Variants in XKR6 observed in about 807,000 individuals in gnomAD.
XKR6 encodes the protein XK related 6, also known as XK-related protein 6.
Under a neutral mutation model 56.7 loss-of-function variants are expected in XKR6, and 22 were observed. The ratio of observed to expected loss-of-function variants is 0.39; its 90% confidence interval spans 0.28 to 0.55. XKR6 has a LOEUF of 0.55. Ranked by LOEUF, XKR6 falls within the 20% of genes least tolerant of loss-of-function variation. XKR6 has a pLI of 0.66. For synonymous variants in XKR6, 524 were observed against 387.8 expected (o/e 1.35, Z -4.13); for missense variants, 852 against 889.0 (o/e 0.96, Z 0.53).
Position 11,129,304 on chromosome 8 carries a change from C to A in XKR6, c.764+71272G>T, listed in dbSNP as rs537673115. Reference sequence around the variant, plus strand: ...TATTTCTGTGAGAAAATACCTAATACCCCTGATGTAAAAAGCTAAAAGTTT... The same window carrying A: ...TATTTCTGTGAGAAAATACCTAATAACCCTGATGTAAAAAGCTAAAAGTTT... On this transcript the variant is annotated intron_variant, in intron 1 of 2. Transcript: ENST00000416569. Among the ~76,000 whole-genome samples, 12 of 152,292 alleles carry A rather than the reference C, an allele frequency of 7.9e-5. No homozygotes were observed. The South Asian group carries it at 1.2e-3, about 16-fold the overall frequency.
intron 1 of XKR6, among the ~76,000 whole-genome samples, chr8:11,076,794 C>G (rs1031316398): frequency 1.3e-5 from 2 of 152,178 alleles, no homozygotes; most frequent in African/African-American, 2.4e-5. Context: ...AGAGGACAGG[C>G]AGTCCCGTGC....
At chr8:10,917,295 C>T (rs967497270) in intron 2 of XKR6, among the ~76,000 whole-genome samples, 3 of 152,268 alleles carry the variant, frequency 2.0e-5, no homozygotes, top group East Asian at 3.9e-4. Flanking sequence ...CTCTGTGCTT[C>T]GGCTTCCCTG....
intron 1 of XKR6, among the ~76,000 whole-genome samples, chr8:11,158,078 G>A (rs1244935660): frequency 6.6e-6 from 1 of 152,178 alleles, no homozygotes; most frequent in African/African-American, 2.4e-5. Flanking sequence ...TGTAATCAGT[G>A]ACTTTTCAAT....
intron 1 of XKR6, chr8:11,108,339 C>T (rs757330080): frequency 2.9e-5 from 13 of 456,078 alleles, no homozygotes; most frequent in Non-Finnish European, 5.7e-5. Flanking sequence ...TCCTAAATTT[C>T]CAGTCACTAC....
At chr8:11,061,661 C>T (rs180882367) in intron 1 of XKR6, among the ~76,000 whole-genome samples, 2 of 152,132 alleles carry the variant, frequency 1.3e-5, no homozygotes, top group African/African-American at 4.8e-5. Context: ...GGTGGGAGGG[C>T]ATGTCCTGGG....
chr8:11,179,045 G>C (rs1014272574), intron 1 of XKR6, among the ~76,000 whole-genome samples: 3 of 134,050 alleles, frequency 2.2e-5, no homozygotes, highest in African/African-American at 8.7e-5. Flanking sequence ...TTTTTGGAGA[G>C]CTAGGGTCTC....
intron 1 of XKR6, among the ~76,000 whole-genome samples, chr8:11,043,717 T>C (rs1799341036): frequency 6.6e-6 from 1 of 152,224 alleles, no homozygotes; most frequent in South Asian, 2.1e-4. Flanking sequence ...CAGAGAAATC[T>C]TAAAAACTAA....
chr8:10,909,814 T>C lies in XKR6; in HGVS notation c.962-10898A>G, dbSNP rs112188367. ...GTCAGACATTATGTATGCCAGACTC[T>C]GTGCATATGTTATTTCATTGAATTT... On this transcript the variant is annotated intron_variant, in intron 2 of 2. Coordinates refer to ENST00000416569, the MANE Select transcript of XKR6 (RefSeq NM_173683.4). Among the ~76,000 whole-genome samples, 537 of 152,308 alleles carry C rather than the reference T, an allele frequency of 3.5e-3. 5 individuals carry two copies. The highest frequency in any genetic ancestry group is 0.012 in the African/African-American group (492 of 41,562).
At chr8:11,085,557 G>A (rs1797858544) in intron 1 of XKR6, among the ~76,000 whole-genome samples, 1 of 152,200 alleles carries the variant, frequency 6.6e-6, no homozygotes, top group Non-Finnish European at 1.5e-5. Context: ...GCCAGAGGCA[G>A]GAGAATGGGG....
chr8:11,015,471 AACC>A (rs1044269848), intron 1 of XKR6, among the ~76,000 whole-genome samples: 6 of 152,000 alleles, frequency 3.9e-5, no homozygotes, highest in African/African-American at 1.5e-4. Context: ...ATCTGCTAGA[AACC>A]ACCCCCCACC....
intron 1 of XKR6, among the ~76,000 whole-genome samples, chr8:11,139,319 T>C (rs1800563979): frequency 6.6e-6 from 1 of 152,184 alleles, no homozygotes; most frequent in South Asian, 2.1e-4. Context: ...CAAAGAATCC[T>C]GTGGACAGCA....
At chr8:10,917,556 C>T (rs1800596319) in intron 2 of XKR6, among the ~76,000 whole-genome samples, 1 of 152,208 alleles carries the variant, frequency 6.6e-6, no homozygotes, top group Admixed American at 6.5e-5. Flanking sequence ...AGAGGTCACT[C>T]TAGGTTCCAG....
At chr8:11,127,690 C>T (rs1157648826) in intron 1 of XKR6, among the ~76,000 whole-genome samples, 1 of 152,166 alleles carries the variant, frequency 6.6e-6, no homozygotes, top group Non-Finnish European at 1.5e-5. Context: ...GCCCACCTTA[C>T]CCAGATAATC....
intron 1 of XKR6, among the ~76,000 whole-genome samples, chr8:10,932,062 C>A (rs1801068161): frequency 6.6e-6 from 1 of 152,000 alleles, no homozygotes; most frequent in Non-Finnish European, 1.5e-5. Context: ...AAAGAGGATA[C>A]ACAATAGCAA....
intron 1 of XKR6, among the ~76,000 whole-genome samples, chr8:11,011,869 G>C (rs1014663806): frequency 6.6e-6 from 1 of 152,196 alleles, no homozygotes. Flanking sequence ...CTGGGGAGGG[G>C]GATAGCATGA....
chr8:10,942,949 C>T (rs1158586264), intron 1 of XKR6, among the ~76,000 whole-genome samples: 1 of 152,218 alleles, frequency 6.6e-6, no homozygotes, highest in African/African-American at 2.4e-5. Flanking sequence ...CATCCCAGGG[C>T]TGCAAGGATC....
rs539794790 is a variant in XKR6 at position 11,183,930 on chromosome 8, C to T, written c.764+16646G>A. Among the ~76,000 whole-genome samples, 115 of 152,246 alleles carry T rather than the reference C, an allele frequency of 7.6e-4. 1 individual carries two copies. The Middle Eastern group carries it at 0.01, about 14-fold the overall frequency. The stretch of plus-strand genomic sequence containing the variant: ...TATCTGGAGCATGCTTTATACAATG[C>T]CAACAAGTCAGGACTGTCTGTAGTC... On this transcript the variant is annotated intron_variant, in intron 1 of 2. Coordinates refer to ENST00000416569, the MANE Select transcript of XKR6 (RefSeq NM_173683.4).
intron 1 of XKR6, chr8:11,194,450 G>C (rs1197622268): frequency 2.0e-5 from 3 of 152,134 alleles, no homozygotes; most frequent in African/African-American, 7.2e-5. Flanking sequence ...TGTTAAATGA[G>C]GTTATATTTT....
chr8:11,118,113 T>C (rs1030952461), intron 1 of XKR6, among the ~76,000 whole-genome samples: 1 of 152,206 alleles, frequency 6.6e-6, no homozygotes, highest in African/African-American at 2.4e-5. Flanking sequence ...TTCTTATTTC[T>C]TCTCACACGT....
Sources: allele counts gnomAD v4.1 joint callset (sites outside exome capture counted in the v4.1 genomes callset), GRCh38; gene constraint gnomAD v4.1.1; transcripts MANE v1.5; gene names NCBI Gene and HGNC (gene_info 2026-07-23, HGNC 2026-07-21).